PHKA2: variants seen among roughly 807,000 people sequenced by gnomAD.
PHKA2 encodes the protein phosphorylase kinase regulatory subunit alpha 2, also known as phosphorylase b kinase regulatory subunit alpha, liver isoform.
Under a neutral mutation model 102.0 loss-of-function variants are expected in PHKA2, and 31 were observed. That is an observed-to-expected ratio of 0.30 (90% CI 0.23 to 0.41). The LOEUF (loss-of-function observed/expected upper bound fraction) is 0.41. PHKA2 is among the 10% of genes least tolerant of loss of function. The pLI is 1.00. For missense variants in PHKA2, 858 were observed against 1,023.1 expected (o/e 0.84, Z 2.20); for synonymous variants, 455 against 416.2 (o/e 1.09, Z -1.13).
At chrX:18,973,206 T>C (rs758936045) in intron 1 of PHKA2, among the ~76,000 whole-genome samples, 2 of 111,602 alleles carry the variant, frequency 1.8e-5, no homozygotes, top group Non-Finnish European at 3.8e-5. Flanking sequence ...GGTTTCACCA[T>C]GTTGGCCAGG....
chrX:18,956,907 CTTTCTTTTTTTT>C (rs1236617979), intron 1 of PHKA2, among the ~76,000 whole-genome samples: 1 of 111,868 alleles, frequency 8.9e-6, no homozygotes, highest in Non-Finnish European at 1.9e-5. Context: ...TCCTTTTTTT[CTTTCTTTTTTTT>C]GAGACGGAGT....
At chrX:18,941,722 G>A (rs759109593) in intron 7 of PHKA2, 47 bp from the exon 8 acceptor site, 1 of 928,864 alleles carries the variant, frequency 1.1e-6, no homozygotes, top group Non-Finnish European at 1.6e-6. Flanking sequence ...TGCGCTAATA[G>A]GCGCAGTATC....
rs1164971047 is a variant in PHKA2, at chrX:18,925,745, G to T, written c.1492C>A (p.Pro498Thr). 2 of 1,191,442 alleles carry T rather than the reference G, an allele frequency of 1.7e-6. No individual in the cohort carries two copies. Among genetic ancestry groups the T allele is most frequent in the African/African-American group, 3.5e-5 (2 of 56,752 alleles). Residue 498 changes from proline (P) to threonine (T), a missense_variant, in exon 15 of 33, where the codon CCG (proline) becomes ACG (threonine). Coordinates refer to ENST00000379942, the MANE Select transcript of PHKA2 (RefSeq NM_000292.3). ...RNKNMNLSGR[P>T]YRHIGVLGTS... is the part of the protein sequence containing the mutation. Reference sequence around the variant, plus strand: ...CCAAGGACACCAATATGTCGATACGGTCGCCCACTCAAATTCATATTCTTA... The same window carrying T: ...CCAAGGACACCAATATGTCGATACGTTCGCCCACTCAAATTCATATTCTTA...
rs1016936717 is a variant in PHKA2, at chrX:18,892,563, A to G, written c.*922T>C. 1.8e-5 allele frequency: 2 copies of G among 111,727 alleles called. No individual in the cohort carries two copies. Among genetic ancestry groups the G allele is most frequent in the African/African-American group, 6.5e-5 (2 of 30,708 alleles). The allele number at this position is 111,727 out of a possible 1,213,427, so 9.2% of individuals were successfully genotyped here. ...CTGGCTCTATTTTTCAGAGGGAAGC[A>G]TTGTTTCTGCGGGGACATGCCTGTT... is the stretch of plus-strand genomic sequence containing the variant. On this transcript the variant is annotated 3_prime_UTR_variant, in exon 33 of 33. Coordinates refer to ENST00000379942, the MANE Select transcript of PHKA2 (RefSeq NM_000292.3).
Position 18,943,699 on chromosome X carries a change from G to A in PHKA2, c.717+11C>T. 1 of 1,172,253 alleles carries A rather than the reference G, an allele frequency of 8.5e-7. No homozygotes were observed. Among genetic ancestry groups the A allele is most frequent in the African/African-American group, 1.8e-5 (1 of 57,079 alleles). On this transcript the variant is annotated intron_variant, in intron 7 of 32. Transcript: ENST00000379942. ...TCCTTCCCTGCTCTCTGAAATGCAA[G>A]AGGCTATTACCTGGCAGTGCTCGAC...
At chrX:18,942,756 G>A (rs1376035712) in intron 7 of PHKA2, among the ~76,000 whole-genome samples, 2 of 109,345 alleles carry the variant, frequency 1.8e-5, no homozygotes, top group East Asian at 2.8e-4. Context: ...GCTGAGGCGG[G>A]AGGACTGCTT....
intron 23 of PHKA2, 101 bp from the exon 24 acceptor site, chrX:18,906,915 T>A: frequency 1.0e-6 from 1 of 991,130 alleles, no homozygotes; most frequent in Non-Finnish European, 1.4e-6. Flanking sequence ...GACGCATCCA[T>A]GTGACAGAGT....
intron 20 of PHKA2, among the ~76,000 whole-genome samples, chrX:18,909,798 G>C (rs1235244689): frequency 8.9e-6 from 1 of 112,456 alleles, no homozygotes; most frequent in Non-Finnish European, 1.9e-5. Context: ...CAGATGCCTG[G>C]TGTCAAGCGG....
chrX:18,957,265 G>A (rs2048791524), intron 1 of PHKA2, among the ~76,000 whole-genome samples: 1 of 112,223 alleles, frequency 8.9e-6, no homozygotes. Context: ...TCCCTTGCCT[G>A]GAGATGGACT....
At chrX:18,895,241 CACATGCATGCACACACAG>C (rs754147551) in intron 30 of PHKA2, 50 bp from the exon 31 acceptor site, 52 of 1,068,236 alleles carry the variant, frequency 4.9e-5, no homozygotes, top group Non-Finnish European at 6.7e-5. Context: ...ATGGGATAAG[CACATGCATGCACACACAG>C]GCGTGCATGC....
chrX:18,939,569 G>T (rs1376104989), intron 9 of PHKA2, among the ~76,000 whole-genome samples: 1 of 111,921 alleles, frequency 8.9e-6, no homozygotes, highest in African/African-American at 3.3e-5. Flanking sequence ...TTTCGGCTCA[G>T]TGCAAGCTCC....
chrX:18,949,846 C>G (rs1395858517), intron 4 of PHKA2, among the ~76,000 whole-genome samples: 3 of 112,167 alleles, frequency 2.7e-5, no homozygotes, highest in African/African-American at 9.7e-5. Flanking sequence ...ATAGCCAAAA[C>G]GTAACTTCAT....
chrX:18,893,172 C>A lies in PHKA2; in HGVS notation c.*313G>T. On this transcript the variant is annotated 3_prime_UTR_variant, in exon 33 of 33. Transcript: ENST00000379942. The stretch of plus-strand genomic sequence containing the variant: ...AGCTGGCGTCTCAGTTCCCTCTGCA[C>A]TCAAAAGAGACCAATTTCCAATTCC... 2.9e-6 allele frequency: 1 copy of A among 350,228 alleles called. No individual in the cohort carries two copies. Among genetic ancestry groups the A allele is most frequent in the Non-Finnish European group, 5.1e-6 (1 of 196,190 alleles). The allele number at this position is 350,228 out of a possible 1,213,427, so 28.9% of individuals were successfully genotyped here.
At chrX:18,968,920 A>T (rs1325620477) in intron 1 of PHKA2, among the ~76,000 whole-genome samples, 5 of 111,742 alleles carry the variant, frequency 4.5e-5, no homozygotes. Flanking sequence ...GTTCGAGACC[A>T]GTCTGACCAA....
intron 13 of PHKA2, among the ~76,000 whole-genome samples, chrX:18,928,347 C>A (rs867108690): frequency 8.9e-6 from 1 of 111,989 alleles, no homozygotes; most frequent in South Asian, 3.7e-4. Flanking sequence ...ACAGCATGAG[C>A]CCCCGAAGCA....
intron 1 of PHKA2, among the ~76,000 whole-genome samples, chrX:18,967,039 G>A (rs1200464724): frequency 9.0e-6 from 1 of 111,151 alleles, no homozygotes; most frequent in Non-Finnish European, 1.9e-5. Flanking sequence ...TGATGGATTG[G>A]ATATAGGTGG....
In PHKA2 at chrX:18,907,061, T is replaced by C. The variant is rs2047832827; in HGVS notation, c.2554A>G (p.Thr852Ala). ...TDLLSHQKQL[T>A]VGLPPEPREK... ...CGGGGCTCGGGCGGCAGGCCCACGG[T>C]GAGCTGCTTCTGGTGCGAAAGCAGG... The change falls in exon 23 of 33, where the codon ACC (threonine) becomes GCC (alanine). Residue 852 changes from threonine (T) to alanine (A), a missense_variant. Thr to Ala is a moderately conservative substitution (Grantham distance 58). Around this residue, in one of 2 missense-constraint regions of PHKA2, gnomAD observed 671 missense variants for 745.2 expected, o/e 0.90. Transcript: ENST00000379942. 8.4e-7 allele frequency: 1 copy of C among 1,194,765 alleles called. No homozygotes were observed. Among genetic ancestry groups the C allele is most frequent in the African/African-American group, 1.7e-5 (1 of 57,486 alleles).
At chrX:18,959,810 A>G (rs2048842354) in intron 1 of PHKA2, among the ~76,000 whole-genome samples, 1 of 111,749 alleles carries the variant, frequency 8.9e-6, no homozygotes, top group Admixed American at 9.5e-5. Context: ...GCTAAGAATC[A>G]TAAGCAGTAG....
chrX:18,941,600 A>C lies in PHKA2; in HGVS notation c.793T>G (p.Phe265Val). 1 of 1,184,360 alleles carries C rather than the reference A, an allele frequency of 8.4e-7. No individual in the cohort carries two copies. The highest frequency in any genetic ancestry group is 1.1e-6 in the Non-Finnish European group (1 of 870,059). ...IDAGLLSIIS[F>V]PAFAVEDVNL... ...ACATCTTCCACTGCAAAGGCCGGGAAGGAAATAATGGAAAGAAGTCCAGCA... is the reference window on the plus strand; with the variant it reads ...ACATCTTCCACTGCAAAGGCCGGGACGGAAATAATGGAAAGAAGTCCAGCA... Residue 265 changes from phenylalanine to valine, a missense_variant, in exon 8 of 33, where the codon TTC (phenylalanine) becomes GTC (valine). Transcript: ENST00000379942.
Sources: gnomAD v4.1 joint callset for allele counts (sites outside exome capture counted in the v4.1 genomes callset) on GRCh38, gnomAD v4.1.1 for gene constraint, gnomAD v4.1.1 regional missense constraint, MANE v1.5 for transcripts, NCBI Gene and HGNC (gene_info 2026-07-23, HGNC 2026-07-21) for gene names.